BIRC6: variants seen among roughly 807,000 people sequenced by gnomAD.
BIRC6 encodes baculoviral IAP repeat containing 6.
BIRC6 carries 98 observed loss-of-function variants against 503.3 expected under a neutral mutation model. The ratio of observed to expected loss-of-function variants is 0.19; its 90% CI spans 0.17 to 0.23. The LOEUF (loss-of-function observed/expected upper bound fraction) is 0.23, where lower values mean the gene tolerates loss of function less well. Among genes scored for constraint, BIRC6 ranks in the 10% least tolerant of loss-of-function variants. BIRC6 has a pLI of 1.00. For missense variants in BIRC6, 5,360 were observed against 5,806.0 expected, an observed-to-expected ratio of 0.92 and a Z score of 2.50; for synonymous variants, 2,240 against 2,078.7, an observed-to-expected ratio of 1.08 and a Z score of -2.11.
At chr2:32,454,669 A>G (rs955769493) in intron 23 of BIRC6, among the ~76,000 whole-genome samples, 1 of 152,206 alleles carries the variant, frequency 6.6e-6, no homozygotes, top group African/African-American at 2.4e-5. Context: ...GTACCATCTT[A>G]GTCTCCTCAA....
chr2:32,613,757 T>C (rs2063049020), intron 73 of BIRC6, among the ~76,000 whole-genome samples: 1 of 152,238 alleles, frequency 6.6e-6, no homozygotes, highest in Admixed American at 6.5e-5. Context: ...TCTTTTGTAC[T>C]ATACTTTTCA....
intron 73 of BIRC6, 33 bp from the exon 74 acceptor site, chr2:32,617,692 C>T: frequency 1.9e-6 from 3 of 1,594,860 alleles, no homozygotes; most frequent in Non-Finnish European, 2.6e-6. Context: ...AGAGGGTTTG[C>T]AGTTCTAACA....
At chr2:32,389,632 A>G (rs916186170) in intron 4 of BIRC6, among the ~76,000 whole-genome samples, 3 of 152,228 alleles carry the variant, frequency 2.0e-5, no homozygotes, top group Non-Finnish European at 4.4e-5. Flanking sequence ...AGGTTTAGAA[A>G]TGCTGTACTG....
At chr2:32,392,018 A>G (rs914207595) in intron 4 of BIRC6, 21 bp from the exon 5 acceptor site, 38 of 1,420,994 alleles carry the variant, frequency 2.7e-5, no homozygotes, top group Non-Finnish European at 3.6e-5. Context: ...CTTCAATTAC[A>G]TAAAGTATGT....
chr2:32,605,818 A>G (rs1262570524), intron 71 of BIRC6, among the ~76,000 whole-genome samples: 1 of 152,150 alleles, frequency 6.6e-6, no homozygotes, highest in African/African-American at 2.4e-5. Context: ...AGATCGCACC[A>G]CTGCACTCCA....
chr2:32,375,509 A>G (rs945485197), intron 1 of BIRC6, among the ~76,000 whole-genome samples: 9 of 151,696 alleles, frequency 5.9e-5, no homozygotes, highest in Non-Finnish European at 1.0e-4. Flanking sequence ...AACCCCCAAA[A>G]AACTCCAGAC....
intron 1 of BIRC6, among the ~76,000 whole-genome samples, chr2:32,368,658 CT>C (rs1050204906): frequency 1.3e-5 from 2 of 149,702 alleles, no homozygotes; most frequent in East Asian, 1.9e-4. Flanking sequence ...CTTCCCGCCC[CT>C]GTCCCCTTTT....
chr2:32,362,373 T>G (rs1573628020), intron 1 of BIRC6, among the ~76,000 whole-genome samples: 1 of 151,294 alleles, frequency 6.6e-6, no homozygotes, highest in African/African-American at 2.4e-5. Flanking sequence ...TGGAGTGCAG[T>G]GGTGTGATCT....
At chr2:32,387,254 C>T (rs1430402595) in intron 3 of BIRC6, among the ~76,000 whole-genome samples, 4 of 150,372 alleles carry the variant, frequency 2.7e-5, no homozygotes, top group Non-Finnish European at 5.9e-5. Flanking sequence ...ATAAAAAGCT[C>T]TGATCTGTGA....
chr2:32,410,271 A>AG (rs375942996), intron 9 of BIRC6, among the ~76,000 whole-genome samples: 8 of 152,216 alleles, frequency 5.3e-5, no homozygotes, highest in Middle Eastern at 3.4e-3. Flanking sequence ...ACTGCACTCC[A>AG]GCCTGGGCAA....
At chr2:32,474,462 A>T (rs2049496984) in intron 33 of BIRC6, among the ~76,000 whole-genome samples, 1 of 152,208 alleles carries the variant, frequency 6.6e-6, no homozygotes, top group Non-Finnish European at 1.5e-5. Flanking sequence ...TTGATTCTTC[A>T]TTATGAATGA....
chr2:32,597,782 T>C lies in BIRC6; in HGVS notation c.13644T>C (p.Asp4548=), dbSNP rs757907727. 3.7e-6 allele frequency: 6 copies of C among 1,613,298 alleles called. No homozygotes were observed. The highest frequency in any genetic ancestry group is 5.1e-6 in the Non-Finnish European group (6 of 1,179,276). ...TTGAAATGGTTTCTGAAGATGAAGA[T>C]GGGAAATTGGGATTTAAAGTAAATT... ...DTFEMVSEDE[D]GKLGFKVNYH... The change falls in exon 69 of 74, where the codon GAT becomes GAC. Residue 4548 remains aspartate, a synonymous_variant. Transcript: ENST00000421745.
chr2:32,452,830 T>A (rs2046863232), intron 22 of BIRC6, among the ~76,000 whole-genome samples: 1 of 152,134 alleles, frequency 6.6e-6, no homozygotes, highest in Non-Finnish European at 1.5e-5. Flanking sequence ...ACTTACCTTT[T>A]ATTCTTCTGT....
intron 8 of BIRC6, 56 bp from the exon 9 acceptor site, chr2:32,406,443 A>T: frequency 7.6e-7 from 1 of 1,310,932 alleles, no homozygotes; most frequent in South Asian, 1.2e-5. Context: ...TTGCTTTCTC[A>T]TATGATGTAT....
At chr2:32,412,617 C>T (rs1308558742) in intron 9 of BIRC6, among the ~76,000 whole-genome samples, 1 of 151,102 alleles carries the variant, frequency 6.6e-6, no homozygotes, top group Non-Finnish European at 1.5e-5. Context: ...GAATGTTTCA[C>T]ATAAAGATGA....
intron 1 of BIRC6, among the ~76,000 whole-genome samples, chr2:32,376,815 A>G (rs1335511468): frequency 1.3e-5 from 2 of 152,238 alleles, no homozygotes; most frequent in African/African-American, 4.8e-5. Context: ...AAATAGAACA[A>G]TTACAATATA....
chr2:32,533,786 T>G (rs758471903), intron 61 of BIRC6, among the ~76,000 whole-genome samples: 2 of 152,218 alleles, frequency 1.3e-5, no homozygotes, highest in African/African-American at 2.4e-5. Context: ...TGTTATTTCC[T>G]AAGAGCCTCC....
chr2:32,410,856 A>G (rs2041790501), intron 9 of BIRC6, among the ~76,000 whole-genome samples: 1 of 151,826 alleles, frequency 6.6e-6, no homozygotes. Flanking sequence ...GCCCGCCAGC[A>G]CGCCCGGCTA....
At chr2:32,497,778 C>G (rs2052647247) in intron 45 of BIRC6, among the ~76,000 whole-genome samples, 1 of 151,844 alleles carries the variant, frequency 6.6e-6, no homozygotes, top group South Asian at 2.1e-4. Flanking sequence ...TTCTTCTTTT[C>G]TACTTTCTTT....
Sources: gnomAD v4.1 joint callset for allele counts (sites outside exome capture counted in the v4.1 genomes callset) on GRCh38, gnomAD v4.1.1 for gene constraint, MANE v1.5 for transcripts, NCBI Gene and HGNC (gene_info 2026-07-23, HGNC 2026-07-21) for gene names.